ERC2: variants seen among roughly 807,000 people sequenced by gnomAD.
ERC2 encodes the protein ELKS/RAB6-interacting/CAST family member 2.
ERC2 carries 42 observed loss-of-function variants against 114.8 expected under a neutral mutation model. The observed-to-expected ratio is 0.37, with a 90% CI of 0.29 to 0.47. The LOEUF is 0.47. ERC2 is among the 20% of genes least tolerant of loss of function. The pLI is 0.99. For synonymous variants in ERC2, 454 were observed against 425.5 expected (o/e 1.07, Z -0.82); for missense variants, 939 against 1,150.7 (o/e 0.82, Z 2.66).
chr3:55,861,611 A>G (rs1025446305), intron 14 of ERC2, among the ~76,000 whole-genome samples: 1 of 151,708 alleles, frequency 6.6e-6, no homozygotes, highest in Non-Finnish European at 1.5e-5. Flanking sequence ...TCTCTCTTTT[A>G]TCCTTTTTGC....
chr3:56,416,008 C>G (rs1381752511), intron 2 of ERC2, among the ~76,000 whole-genome samples: 1 of 152,118 alleles, frequency 6.6e-6, no homozygotes, highest in Admixed American at 6.5e-5. Context: ...TGGCTTGGAG[C>G]CATGACACGT....
chr3:56,028,306 T>C (rs895633016), intron 7 of ERC2, among the ~76,000 whole-genome samples: 7 of 152,238 alleles, frequency 4.6e-5, no homozygotes, highest in African/African-American at 1.7e-4. Flanking sequence ...TCATAAGAAA[T>C]TTATAAAAAG....
intron 3 of ERC2, among the ~76,000 whole-genome samples, chr3:56,195,521 T>G (rs918645581): frequency 1.8e-5 from 1 of 56,468 alleles, no homozygotes; most frequent in African/African-American, 4.3e-5. Context: ...GTGTGTGTGT[T>G]CTCTCCAATT....
At chr3:55,702,758 C>T (rs2063293414) in intron 15 of ERC2, among the ~76,000 whole-genome samples, 1 of 152,140 alleles carries the variant, frequency 6.6e-6, no homozygotes, top group South Asian at 2.1e-4. Flanking sequence ...ACATAATGGT[C>T]CACAGCCCTG....
intron 12 of ERC2, among the ~76,000 whole-genome samples, chr3:55,969,489 C>A (rs910411057): frequency 6.6e-6 from 1 of 152,052 alleles, no homozygotes; most frequent in African/African-American, 2.4e-5. Context: ...CATCTCCAGT[C>A]CCAGCCAAAT....
chr3:56,422,818 T>C (rs2061435153), intron 2 of ERC2, among the ~76,000 whole-genome samples: 1 of 152,160 alleles, frequency 6.6e-6, no homozygotes, highest in Admixed American at 6.5e-5. Flanking sequence ...TTCTCTTGCA[T>C]AAAATAGAGA....
At chr3:55,594,377 G>A (rs1298127315) in intron 17 of ERC2, among the ~76,000 whole-genome samples, 1 of 152,152 alleles carries the variant, frequency 6.6e-6, no homozygotes, top group Non-Finnish European at 1.5e-5. Context: ...CTGGGCTTTT[G>A]TGGTTTGCTG....
At chr3:56,183,763 G>C (rs1215695385) in intron 3 of ERC2, among the ~76,000 whole-genome samples, 1 of 152,130 alleles carries the variant, frequency 6.6e-6, no homozygotes, top group Non-Finnish European at 1.5e-5. Context: ...AGGATTTGGG[G>C]AACGGCAAGT....
At chr3:55,937,864 C>T (rs1329349304) in intron 13 of ERC2, among the ~76,000 whole-genome samples, 1 of 152,110 alleles carries the variant, frequency 6.6e-6, no homozygotes, top group Non-Finnish European at 1.5e-5. Context: ...TTTACTGACT[C>T]ATAAATGACG....
chr3:55,962,416 C>G (rs2068450817), intron 12 of ERC2, among the ~76,000 whole-genome samples: 1 of 152,204 alleles, frequency 6.6e-6, no homozygotes, highest in South Asian at 2.1e-4. Context: ...AATATATACA[C>G]TAATATATAC....
chr3:55,532,903 A>C (rs181129060), intron 17 of ERC2, among the ~76,000 whole-genome samples: 47 of 152,378 alleles, frequency 3.1e-4, no homozygotes, highest in African/African-American at 1.1e-3. Flanking sequence ...TGAGAAAGAC[A>C]AGGTCCCTGG....
At chr3:55,547,256 C>G (rs1293357462) in intron 17 of ERC2, among the ~76,000 whole-genome samples, 1 of 152,236 alleles carries the variant, frequency 6.6e-6, no homozygotes, top group Admixed American at 6.5e-5. Flanking sequence ...GGTGAGGAAG[C>G]ACCCCTGGCT....
chr3:55,754,159 C>T (rs1193332481), intron 14 of ERC2, among the ~76,000 whole-genome samples: 2 of 143,754 alleles, frequency 1.4e-5, no homozygotes, highest in African/African-American at 5.3e-5. Context: ...AATCACCGAT[C>T]TCTACAGATA....
At chr3:56,075,108 C>T (rs2076911136) in intron 7 of ERC2, among the ~76,000 whole-genome samples, 1 of 145,174 alleles carries the variant, frequency 6.9e-6, no homozygotes, top group African/African-American at 2.6e-5. Flanking sequence ...AGTGTAAAAC[C>T]TCCCCCAGAC....
Position 55,808,727 on chromosome 3 carries a change from ATATATATATATATAT to A in ERC2, c.2565-73824_2565-73810del, listed in dbSNP as rs1559689290. On this transcript the variant is annotated intron_variant, in intron 14 of 17. Coordinates refer to ENST00000288221, the MANE Select transcript of ERC2 (RefSeq NM_015576.3). The stretch of plus-strand genomic sequence containing the variant: ...TATATATATATATATATATATATAT[ATATATATATATATAT>A]AACGTATAACTAAACATATATATAT... Among the ~76,000 whole-genome samples the A allele has an allele frequency of 3.3e-3, 387 of 116,100 alleles. 7 individuals are homozygous for A. The highest frequency in any genetic ancestry group is 0.011 in the African/African-American group (310 of 27,600). 76.2% of individuals were successfully genotyped at this position (116,100 alleles called of 152,430 possible).
chr3:55,957,736 G>A (rs536158546), intron 12 of ERC2, among the ~76,000 whole-genome samples: 16 of 152,298 alleles, frequency 1.1e-4, no homozygotes, highest in Non-Finnish European at 2.1e-4. Flanking sequence ...GGGAGGAGGG[G>A]GGGGCAGCTC....
At chr3:56,361,814 G>A (rs1560671409) in intron 2 of ERC2, among the ~76,000 whole-genome samples, 1 of 152,186 alleles carries the variant, frequency 6.6e-6, no homozygotes, top group Admixed American at 6.5e-5. Flanking sequence ...CCTGGGAGAT[G>A]CATCGTAAAT....
chr3:55,914,323 T>A, intron 13 of ERC2, among the ~76,000 whole-genome samples: 1 of 152,154 alleles, frequency 6.6e-6, no homozygotes, highest in Non-Finnish European at 1.5e-5. Context: ...CTGGCTAAAC[T>A]AGGGGCTGGA....
intron 7 of ERC2, among the ~76,000 whole-genome samples, chr3:56,019,740 G>A (rs1407927629): frequency 6.6e-6 from 1 of 152,172 alleles, no homozygotes; most frequent in Non-Finnish European, 1.5e-5. Context: ...TACAATGCCT[G>A]TCCAGGAGCA....
Sources: allele counts gnomAD v4.1 joint callset (sites outside exome capture counted in the v4.1 genomes callset), GRCh38; gene constraint gnomAD v4.1.1; transcripts MANE v1.5; gene names NCBI Gene and HGNC (gene_info 2026-07-23, HGNC 2026-07-21).